The following EFCAB3 variants were observed in gnomAD, a reference collection of about 807,000 sequenced individuals.
EFCAB3 encodes EF-hand calcium binding domain 3, also known as EF-hand calcium-binding domain-containing protein 3.
A neutral mutation model predicts 42.2 loss-of-function variants in EFCAB3; 36 were observed. The ratio of observed to expected loss-of-function variants is 0.85; its 90% CI spans 0.65 to 1.13. The LOEUF (loss-of-function observed/expected upper bound fraction) is 1.13, where lower values mean the gene tolerates loss of function less well. EFCAB3 is among the 50% of genes most tolerant of loss of function. The pLI is 0.00. For missense variants in EFCAB3, 418 were observed against 505.1 expected (o/e 0.83, Z 1.65); for synonymous variants, 170 against 172.8 (o/e 0.98, Z 0.13).
At chr17:62,389,476 C>T (rs2070284106) in intron 3 of EFCAB3, among the ~76,000 whole-genome samples, 1 of 152,188 alleles carries the variant, frequency 6.6e-6, no homozygotes. Context: ...GTGTTCGTTA[C>T]AGTGCTTAAT....
upstream of EFCAB3, chr17:62,378,140 G>A (rs2070164972): frequency 6.3e-6 from 5 of 788,614 alleles, no homozygotes; most frequent in Middle Eastern, 2.5e-4. Context: ...CCATCTACTT[G>A]TCCATAAAGT....
At chr17:62,395,334 G>A (rs1842513305) in intron 6 of EFCAB3, 146 bp downstream of exon 6, 3 of 1,038,864 alleles carry the variant, frequency 2.9e-6, no homozygotes, top group Middle Eastern at 2.1e-4. Context: ...ATGCCCTTGT[G>A]CTACAACATG....
rs181107614 is a variant in EFCAB3, at chr17:62,394,367, G to A, written c.368-701G>A. Among the ~76,000 whole-genome samples the A allele has an allele frequency of 2.2e-4, 33 of 152,102 alleles. No homozygotes were observed. In the East Asian group the frequency reaches 5.4e-3, roughly 25 times the overall value. On this transcript the variant is annotated intron_variant, in intron 5 of 9. Transcript: ENST00000305286. The stretch of plus-strand genomic sequence containing the variant: ...AATGTACTCTCTCATGTAAATCTAG[G>A]GTGTCGATAATTTACTGTTCTTGAA...
rs749142915 is a variant in EFCAB3, at chr17:62,407,179, T to C, written c.834T>C (p.Asp278=). Residue 278 remains aspartate (D), a synonymous_variant, in exon 8 of 10, where the codon GAT becomes GAC. Transcript: ENST00000305286. ...RIKEPLHFFE[D]YFFHKRDWKT... ...AGGAGCCTTTGCATTTCTTTGAGGATTATTTTTTCCATAAAAGAGACTGGA... is the reference window on the plus strand; with the variant it reads ...AGGAGCCTTTGCATTTCTTTGAGGACTATTTTTTCCATAAAAGAGACTGGA... 3 of 1,596,498 alleles carry C rather than the reference T, an allele frequency of 1.9e-6. No homozygotes were observed. Among genetic ancestry groups the C allele is most frequent in the Middle Eastern group, 1.7e-4 (1 of 5,976 alleles).
At chr17:62,406,746 A>G in intron 7 of EFCAB3, 73 bp downstream of exon 7, 1 of 1,517,720 alleles carries the variant, frequency 6.6e-7, no homozygotes, top group Non-Finnish European at 9.0e-7. Flanking sequence ...AAGAAGTACT[A>G]GAGCCCAAAT....
upstream of EFCAB3, among the ~76,000 whole-genome samples, chr17:62,376,901 G>A (rs1598003521): frequency 6.6e-6 from 1 of 152,160 alleles, no homozygotes; most frequent in Non-Finnish European, 1.5e-5. Flanking sequence ...TAGAAAAAAA[G>A]TCGCCATATA....
chr17:62,416,166 G>A lies in EFCAB3; in HGVS notation c.1154G>A (p.Cys385Tyr). 1 of 1,613,940 alleles carries A rather than the reference G, an allele frequency of 6.2e-7. No homozygotes were observed. The highest frequency in any genetic ancestry group is 1.7e-5 in the Admixed American group (1 of 60,006). ...FSTYTWSWNVCQELLSPKDLR... is the reference protein window; with the variant it reads ...FSTYTWSWNVYQELLSPKDLR... Reference sequence around the variant, plus strand: ...ACTTATACATGGTCCTGGAATGTTTGCCAAGAATTACTTTCTCCTAAGGAC... The same window carrying A: ...ACTTATACATGGTCCTGGAATGTTTACCAAGAATTACTTTCTCCTAAGGAC... Residue 385 changes from cysteine (C) to tyrosine (Y), a missense_variant, in exon 10 of 10, where the codon TGC becomes TAC. Transcript: ENST00000305286.
upstream of EFCAB3, among the ~76,000 whole-genome samples, chr17:62,379,715 G>T (rs910640418): frequency 1.3e-5 from 2 of 152,146 alleles, no homozygotes; most frequent in African/African-American, 4.8e-5. Context: ...AGAGATATCT[G>T]TACTTAGCCA....
chr17:62,399,330 GCTAA>G (rs1188163466), intron 6 of EFCAB3, among the ~76,000 whole-genome samples: 1 of 151,856 alleles, frequency 6.6e-6, no homozygotes, highest in Admixed American at 6.6e-5. Context: ...ATCACACCTG[GCTAA>G]TTTTTCTATT....
chr17:62,370,742 T>C (rs1567717944), intron 1 of EFCAB3, among the ~76,000 whole-genome samples: 1 of 151,956 alleles, frequency 6.6e-6, no homozygotes, highest in Non-Finnish European at 1.5e-5. Flanking sequence ...ACCTAGAACA[T>C]AGCTTCCCAA....
upstream of EFCAB3, among the ~76,000 whole-genome samples, chr17:62,377,659 C>T (rs1397034596): frequency 1.3e-5 from 2 of 152,128 alleles, no homozygotes; most frequent in East Asian, 3.8e-4. Context: ...AAGTGGGTAA[C>T]AGATCATCTT....
rs186695610 is a variant in EFCAB3 at position 62,371,518 on chromosome 17, A to G, written c.34+1196A>G. Among the ~76,000 whole-genome samples the G allele has an allele frequency of 5.9e-5, 9 of 152,298 alleles. No individual in the cohort carries two copies. The East Asian group carries it at 1.7e-3, about 29-fold the overall frequency. On this transcript the variant is annotated intron_variant, in intron 1 of 11. Transcript: ENST00000450662. ...GGTTGCAGTGAGCCAAGATTGCGCC[A>G]CTGCACTCCAGCCTGGTGACAGAGT...
At chr17:62,415,901 C>T (rs893490992) in intron 9 of EFCAB3, 102 bp from the exon 10 acceptor site, 23 of 1,011,990 alleles carry the variant, frequency 2.3e-5, no homozygotes, top group African/African-American at 4.9e-5. Flanking sequence ...CAGTGACTTT[C>T]GAGTAGCCCA....
At chr17:62,377,455 A>G (rs181164666), upstream of EFCAB3, among the ~76,000 whole-genome samples, 1 of 152,330 alleles carries the variant, frequency 6.6e-6, no homozygotes, top group East Asian at 1.9e-4. Flanking sequence ...AAAGAAAAAA[A>G]GTTAAATCTG....
At chr17:62,409,391 TG>T (rs2070475218) in intron 8 of EFCAB3, among the ~76,000 whole-genome samples, 1 of 152,074 alleles carries the variant, frequency 6.6e-6, no homozygotes, top group South Asian at 2.1e-4. Context: ...TTTAAATAGC[TG>T]GGTGCAATGG....
At chr17:62,393,247 G>C (rs892356911) in intron 4 of EFCAB3, among the ~76,000 whole-genome samples, 5 of 152,152 alleles carry the variant, frequency 3.3e-5, no homozygotes, top group African/African-American at 7.2e-5. Context: ...GAATAATAGG[G>C]GTGGTTATAG....
intron 6 of EFCAB3, among the ~76,000 whole-genome samples, chr17:62,396,686 A>G (rs548016862): frequency 6.6e-6 from 1 of 152,252 alleles, no homozygotes; most frequent in Non-Finnish European, 1.5e-5. Context: ...TAAGGCCAGA[A>G]GCTCCATACC....
At chr17:62,409,981 C>T (rs540183241) in intron 8 of EFCAB3, among the ~76,000 whole-genome samples, 1 of 152,034 alleles carries the variant, frequency 6.6e-6, no homozygotes, top group South Asian at 2.1e-4. Context: ...AGGTGGATCA[C>T]CTGAGGTCGA....
intron 1 of EFCAB3, chr17:62,381,831 A>G (rs2070203276): frequency 2.3e-6 from 1 of 434,898 alleles, no homozygotes; most frequent in African/African-American, 2.0e-5. Context: ...TGAAGATGTC[A>G]TTGCCCAGGG....
Sources: gnomAD v4.1 joint callset for allele counts (sites outside exome capture counted in the v4.1 genomes callset) on GRCh38, gnomAD v4.1.1 for gene constraint, MANE v1.5 for transcripts, NCBI Gene and HGNC (gene_info 2026-07-23, HGNC 2026-07-21) for gene names.